Variants in NRCAM observed in about 807,000 individuals in gnomAD.
NRCAM encodes NgCAM-related cell adhesion molecule.
A neutral mutation model predicts 156.5 loss-of-function variants in NRCAM; 83 were observed. The ratio of observed to expected loss-of-function variants is 0.53; its 90% CI spans 0.44 to 0.64. NRCAM has a LOEUF of 0.64. NRCAM is among the 30% of genes least tolerant of loss of function. The pLI, the probability that NRCAM is intolerant of heterozygous loss-of-function variation, is 0.00. For missense variants in NRCAM, 1,417 were observed against 1,597.3 expected, an observed-to-expected ratio of 0.89 and a Z score of 1.92; for synonymous variants, 538 against 563.9, an observed-to-expected ratio of 0.95 and a Z score of 0.65.
intron 14 of NRCAM, among the ~76,000 whole-genome samples, chr7:108,196,352 A>T (rs2075088144): frequency 6.6e-6 from 1 of 152,248 alleles, no homozygotes; most frequent in Non-Finnish European, 1.5e-5. Context: ...CACCAGACTA[A>T]AAAGCTTGCA....
At chr7:108,305,417 T>G (rs943110074) in intron 3 of NRCAM, among the ~76,000 whole-genome samples, 14 of 152,108 alleles carry the variant, frequency 9.2e-5, no homozygotes, top group African/African-American at 3.4e-4. Flanking sequence ...CAGTTTTTTG[T>G]TTTTTTGTTT....
chr7:108,213,612 G>A (rs1030167706), intron 11 of NRCAM, among the ~76,000 whole-genome samples: 17 of 152,172 alleles, frequency 1.1e-4, no homozygotes, highest in Middle Eastern at 3.2e-3. Context: ...GCAAGCAGGG[G>A]TAGCTATTTT....
Position 108,198,104 on chromosome 7 carries a change from T to C in NRCAM, c.1208-5A>G. On this transcript the variant is annotated splice_polypyrimidine_tract_variant and splice_region_variant and intron_variant, in intron 13 of 32. Coordinates refer to ENST00000379028, the MANE Select transcript of NRCAM (RefSeq NM_001037132.4). ...TGCTGGGGTCATCAGGGGCAACTGT[T>C]TGGATGTAAAAATAGAAAGTATTTA... is the stretch of plus-strand genomic sequence containing the variant. The C allele has an allele frequency of 6.3e-7, 1 of 1,590,950 alleles. No individual in the cohort carries two copies. The highest frequency in any genetic ancestry group is 8.5e-7 in the Non-Finnish European group (1 of 1,172,856).
intron 2 of NRCAM, among the ~76,000 whole-genome samples, chr7:108,338,213 T>C (rs7789982): frequency 0.28 from 43,326 of 152,164 alleles, 6,265 homozygotes; most frequent in Middle Eastern, 0.31. Context: ...TGCGCCCCTA[T>C]CTTTCCTTCT....
intron 3 of NRCAM, among the ~76,000 whole-genome samples, chr7:108,311,379 C>T (rs989463121): frequency 2.0e-5 from 3 of 147,832 alleles, no homozygotes; most frequent in Admixed American, 1.4e-4. Flanking sequence ...CTTTATGAAA[C>T]AAGGACACTT....
chr7:108,207,281 TA>T, intron 13 of NRCAM: 1 of 321,130 alleles, frequency 3.1e-6, no homozygotes, highest in East Asian at 5.8e-5. Context: ...ATTATCCATG[TA>T]AAAAGCAGAC....
chr7:108,193,723 G>A (rs1048971959), intron 17 of NRCAM, among the ~76,000 whole-genome samples: 10 of 152,290 alleles, frequency 6.6e-5, no homozygotes, highest in East Asian at 3.9e-4. Context: ...TTGAGACTTC[G>A]CTGTTCAAGG....
chr7:108,274,829 G>T (rs1331439448), intron 3 of NRCAM, among the ~76,000 whole-genome samples: 1 of 152,186 alleles, frequency 6.6e-6, no homozygotes, highest in Non-Finnish European at 1.5e-5. Context: ...CTTTCAATGG[G>T]AATGCTTCCA....
intron 3 of NRCAM, among the ~76,000 whole-genome samples, chr7:108,259,841 C>T (rs1020936224): frequency 3.3e-5 from 5 of 152,000 alleles, no homozygotes; most frequent in African/African-American, 9.7e-5. Context: ...TGGGGCCTGT[C>T]GGCGGGTGGA....
chr7:108,336,662 T>G (rs908977943), intron 2 of NRCAM, among the ~76,000 whole-genome samples: 1 of 152,204 alleles, frequency 6.6e-6, no homozygotes, highest in Non-Finnish European at 1.5e-5. Flanking sequence ...TCTATAGAGA[T>G]CTACTAAACC....
chr7:108,416,460 C>T lies in NRCAM; in HGVS notation c.-331-16867G>A, dbSNP rs559799513. On this transcript the variant is annotated intron_variant, in intron 1 of 32. Coordinates refer to ENST00000379028, the MANE Select transcript of NRCAM (RefSeq NM_001037132.4). ...TGTCAGAACTATGCTTTGTCATCAC[C>T]GCTGAGATCAGAGAGCTGTTTCTAT... Among the ~76,000 whole-genome samples, 58 of 152,220 alleles carry T rather than the reference C, an allele frequency of 3.8e-4. 1 individual carries two copies. The highest frequency in any genetic ancestry group is 1.4e-3 in the East Asian group (7 of 5,182).
intron 3 of NRCAM, among the ~76,000 whole-genome samples, chr7:108,253,602 G>A (rs2096483690): frequency 6.6e-6 from 1 of 152,222 alleles, no homozygotes; most frequent in Non-Finnish European, 1.5e-5. Flanking sequence ...GCTAATATCA[G>A]ATGAGTTTCA....
intron 2 of NRCAM, among the ~76,000 whole-genome samples, chr7:108,381,729 T>G (rs890676708): frequency 6.6e-6 from 1 of 151,870 alleles, no homozygotes; most frequent in East Asian, 1.9e-4. Context: ...CCGGCTAATT[T>G]TTTGTATTTT....
chr7:108,297,356 C>G (rs1319671709), intron 3 of NRCAM, among the ~76,000 whole-genome samples: 2 of 152,190 alleles, frequency 1.3e-5, no homozygotes. Context: ...ACCCTTTCCT[C>G]CTGCTAGCAG....
chr7:108,279,396 C>G (rs1416628838), intron 3 of NRCAM, among the ~76,000 whole-genome samples: 1 of 152,064 alleles, frequency 6.6e-6, no homozygotes, highest in Non-Finnish European at 1.5e-5. Flanking sequence ...CTGATATTCT[C>G]AAAGTACAAA....
At chr7:108,317,910 G>GAA (rs377722562) in intron 2 of NRCAM, among the ~76,000 whole-genome samples, 132 of 93,058 alleles carry the variant, frequency 1.4e-3, no homozygotes, top group African/African-American at 3.4e-3. Flanking sequence ...CTCAGTCCCA[G>GAA]AAAAAAAAAA....
At chr7:108,430,360 G>A (rs924615858) in intron 1 of NRCAM, among the ~76,000 whole-genome samples, 34 of 152,110 alleles carry the variant, frequency 2.2e-4, no homozygotes, top group African/African-American at 7.5e-4. Flanking sequence ...GGCTTGATCC[G>A]GGATAGAACT....
chr7:108,303,779 C>T (rs1398774940), intron 3 of NRCAM, among the ~76,000 whole-genome samples: 1 of 152,110 alleles, frequency 6.6e-6, no homozygotes, highest in Non-Finnish European at 1.5e-5. Context: ...ACCCATGTTT[C>T]ATGTTCTTTC....
At chr7:108,160,562 A>T in intron 30 of NRCAM, 70 bp from the exon 31 acceptor site, 1 of 1,459,722 alleles carries the variant, frequency 6.9e-7, no homozygotes. Flanking sequence ...AGTCTCTCAG[A>T]GTAAAAAATT....
Sources: allele counts gnomAD v4.1 joint callset (sites outside exome capture counted in the v4.1 genomes callset), GRCh38; gene constraint gnomAD v4.1.1; transcripts MANE v1.5; gene names NCBI Gene and HGNC (gene_info 2026-07-23, HGNC 2026-07-21).